Variants in HSD17B2 observed in about 807,000 individuals in gnomAD.
The protein encoded by HSD17B2 is 17-beta-hydroxysteroid dehydrogenase type 2.
HSD17B2 carries 32 observed loss-of-function variants against 26.9 expected under a neutral mutation model. That is an observed-to-expected ratio of 1.19 (90% CI 0.90 to 1.60). The LOEUF (loss-of-function observed/expected upper bound fraction) is 1.60, where lower values mean the gene tolerates loss of function less well. HSD17B2 is among the 40% of genes most tolerant of loss of function. The probability of loss-of-function intolerance (pLI) is 0.00; values close to 1 mark genes in which losing one functional copy is unlikely to be tolerated. For synonymous variants in HSD17B2, 246 were observed against 186.7 expected, an observed-to-expected ratio of 1.32 and a Z score of -2.59; for missense variants, 613 against 468.6, an observed-to-expected ratio of 1.31 and a Z score of -2.85.
chr16:82,080,124 C>T (rs1904340532), intron 3 of HSD17B2, among the ~76,000 whole-genome samples: 1 of 152,204 alleles, frequency 6.6e-6, no homozygotes, highest in Non-Finnish European at 1.5e-5. Context: ...ATTGATGACT[C>T]TGTTCCAGTT....
chr16:82,065,617 T>C (rs1039158592), intron 1 of HSD17B2, among the ~76,000 whole-genome samples: 1 of 152,218 alleles, frequency 6.6e-6, no homozygotes, highest in African/African-American at 2.4e-5. Context: ...CTAGATACTT[T>C]TAACTCCAAC....
intron 3 of HSD17B2, chr16:82,072,027 A>C (rs1010817027): frequency 1.3e-5 from 2 of 152,106 alleles, no homozygotes; most frequent in African/African-American, 2.4e-5. Context: ...TTTTTTTGGT[A>C]ATGTGAATAT....
chr16:82,089,927 G>A (rs983756043), intron 3 of HSD17B2, among the ~76,000 whole-genome samples: 1 of 152,064 alleles, frequency 6.6e-6, no homozygotes, highest in African/African-American at 2.4e-5. Flanking sequence ...CCCTTTCTTG[G>A]CTTCCTTTGA....
chr16:82,038,268 A>G (rs1196168534), intron 1 of HSD17B2, among the ~76,000 whole-genome samples: 1 of 152,248 alleles, frequency 6.6e-6, no homozygotes, highest in African/African-American at 2.4e-5. Context: ...GTGTTTGAAT[A>G]CATATTTGTC....
intron 3 of HSD17B2, among the ~76,000 whole-genome samples, chr16:82,083,973 G>A (rs1006483892): frequency 3.9e-5 from 6 of 152,152 alleles, no homozygotes; most frequent in Non-Finnish European, 5.9e-5. Flanking sequence ...TCTCTTTGAG[G>A]CCTAAAGTCG....
chr16:82,070,974 C>G lies in HSD17B2; in HGVS notation c.511C>G (p.Leu171Val), dbSNP rs577777799. The G allele has an allele frequency of 6.2e-7, 1 of 1,614,138 alleles. No individual in the cohort carries two copies. The highest frequency in any genetic ancestry group is 1.3e-5 in the African/African-American group (1 of 75,052). ...GGCTGTGATCAACAATGCTGGGGTG[C>G]TTGGCTTTCCAACTGATGGGGAGCT... ...LWAVINNAGV[L>V]GFPTDGELLL... is the part of the protein sequence containing the mutation. The change falls in exon 3 of 5, where the codon CTT becomes GTT. Residue 171 changes from leucine to valine, a missense_variant. Transcript: ENST00000199936.
At chr16:82,058,541 CA>C (rs1490969992) in intron 1 of HSD17B2, among the ~76,000 whole-genome samples, 1 of 152,140 alleles carries the variant, frequency 6.6e-6, no homozygotes, top group African/African-American at 2.4e-5. Context: ...CATATATAAA[CA>C]TAAGGCTCTC....
chr16:82,080,184 G>A (rs929491478), intron 3 of HSD17B2, among the ~76,000 whole-genome samples: 5 of 152,208 alleles, frequency 3.3e-5, no homozygotes, highest in African/African-American at 9.7e-5. Context: ...TCAGGCTGTT[G>A]TGAGTAGGCA....
chr16:82,082,271 A>C (rs1280653206), intron 3 of HSD17B2, among the ~76,000 whole-genome samples: 1 of 152,052 alleles, frequency 6.6e-6, no homozygotes, highest in Non-Finnish European at 1.5e-5. Flanking sequence ...GTCCAGCCTC[A>C]GTGAGAAGTT....
chr16:82,056,978 T>C (rs147632652), intron 1 of HSD17B2, among the ~76,000 whole-genome samples: 277 of 152,278 alleles, frequency 1.8e-3, no homozygotes, highest in African/African-American at 6.4e-3. Context: ...TTGGAAGCTC[T>C]AAATAGCCAA....
chr16:82,075,031 A>G (rs897074163), intron 3 of HSD17B2, among the ~76,000 whole-genome samples: 4 of 152,248 alleles, frequency 2.6e-5, no homozygotes, highest in Non-Finnish European at 5.9e-5. Context: ...AAAACTAGAA[A>G]TAAAAGATAA....
chr16:82,084,654 C>A (rs1297923931), intron 3 of HSD17B2, among the ~76,000 whole-genome samples: 1 of 152,052 alleles, frequency 6.6e-6, no homozygotes, highest in Non-Finnish European at 1.5e-5. Context: ...GGCCCAAAAC[C>A]TTTCTCGGGC....
chr16:82,042,421 G>C (rs1437215378), intron 1 of HSD17B2, among the ~76,000 whole-genome samples: 1 of 152,192 alleles, frequency 6.6e-6, no homozygotes, highest in East Asian at 1.9e-4. Flanking sequence ...ACTTGGTGGA[G>C]GGTGGTAAGT....
chr16:82,039,146 T>C (rs1913698985), intron 1 of HSD17B2, among the ~76,000 whole-genome samples: 1 of 152,010 alleles, frequency 6.6e-6, no homozygotes, highest in Admixed American at 6.6e-5. Flanking sequence ...TAGCATCTTA[T>C]TTGCTGCATC....
intron 1 of HSD17B2, among the ~76,000 whole-genome samples, chr16:82,066,955 G>C (rs1567585937): frequency 6.6e-6 from 1 of 152,150 alleles, no homozygotes; most frequent in African/African-American, 2.4e-5. Context: ...TTATGTGCCT[G>C]CAAGTATTTC....
chr16:82,055,356 C>T (rs886994087), intron 1 of HSD17B2, among the ~76,000 whole-genome samples: 18 of 152,168 alleles, frequency 1.2e-4, no homozygotes, highest in Admixed American at 2.6e-4. Flanking sequence ...TCCCACCTGA[C>T]GCCAATACAT....
Position 82,035,536 on chromosome 16 carries a change from A to G in HSD17B2, c.112A>G (p.Met38Val). The change falls in exon 1 of 5, where the codon ATG becomes GTG. Residue 38 changes from methionine (M) to valine (V), a missense_variant. Coordinates refer to ENST00000199936, the MANE Select transcript of HSD17B2 (RefSeq NM_002153.3). The stretch of plus-strand genomic sequence containing the variant: ...GAGCTCAGGGCAGCTGTGGAGCTGG[A>G]TGGTCTGCCTGGCAGGCCTCTGTGC... The part of the protein sequence containing the change: ...KKSSGQLWSW[M>V]VCLAGLCAVC... 6.2e-7 allele frequency: 1 copy of G among 1,613,996 alleles called. No individual in the cohort carries two copies. Among genetic ancestry groups the G allele is most frequent in the Non-Finnish European group, 8.5e-7 (1 of 1,180,036 alleles).
chr16:82,065,821 A>T (rs1914557479), intron 1 of HSD17B2, among the ~76,000 whole-genome samples: 1 of 152,200 alleles, frequency 6.6e-6, no homozygotes, highest in South Asian at 2.1e-4. Flanking sequence ...GATCCCTACC[A>T]TCTGTGTGAT....
chr16:82,098,258 T>A lies in HSD17B2; in HGVS notation c.986T>A (p.Ile329Asn), dbSNP rs1377680488. The change falls in exon 5 of 5, where the codon ATC (isoleucine) becomes AAC (asparagine). Residue 329 changes from isoleucine to asparagine, a missense_variant. Ile to Asn is a moderately radical substitution (Grantham distance 149, BLOSUM62 -3). Coordinates refer to ENST00000199936, the MANE Select transcript of HSD17B2 (RefSeq NM_002153.3). The part of the protein sequence containing the change: ...SPVLRDIQHA[I>N]LAKSPFAYYT... ...GTGCTGCGGGACATCCAGCATGCTA[T>A]CTTGGCGAAGAGCCCTTTTGCCTAT... 3.1e-6 allele frequency: 5 copies of A among 1,614,102 alleles called. No homozygotes were observed. The highest frequency in any genetic ancestry group is 3.4e-6 in the Non-Finnish European group (4 of 1,180,032).
Sources: allele counts gnomAD v4.1 joint callset (sites outside exome capture counted in the v4.1 genomes callset), GRCh38; gene constraint gnomAD v4.1.1; transcripts MANE v1.5; gene names NCBI Gene and HGNC (gene_info 2026-07-23, HGNC 2026-07-21).